Variants in DLG2 observed in about 807,000 individuals in gnomAD.
DLG2 encodes the protein disks large homolog 2.
A neutral mutation model predicts 132.5 loss-of-function variants in DLG2; 45 were observed. That is an observed-to-expected ratio of 0.34 (90% confidence interval 0.27 to 0.44). The LOEUF is 0.44. Ranked by LOEUF, DLG2 falls within the 20% of genes least tolerant of loss-of-function variation. The pLI, the probability that DLG2 is intolerant of heterozygous loss-of-function variation, is 1.00. For synonymous variants in DLG2, 424 were observed against 419.6 expected (o/e 1.01, Z -0.13); for missense variants, 1,045 against 1,196.9 (o/e 0.87, Z 1.87).
rs189179704 is a variant in DLG2 at position 85,052,473 on chromosome 11, A to C, written c.357+59188T>G. 6.2e-4 allele frequency among the ~76,000 whole-genome samples: 95 copies of C among 152,336 alleles called. 2 individuals are homozygous for C. The East Asian group carries it at 0.014, about 23-fold the overall frequency. On this transcript the variant is annotated intron_variant, in intron 6 of 27. Transcript: ENST00000376104. ...CAAACATTTTGCATTATATACCTTG[A>C]AAACTGTGAGCCACATTTGTTCTAT...
intron 10 of DLG2, among the ~76,000 whole-genome samples, chr11:84,079,058 C>A (rs564981201): frequency 2.0e-5 from 3 of 152,234 alleles, no homozygotes; most frequent in African/African-American, 7.2e-5. Flanking sequence ...ATATACTCAG[C>A]ACCTGATATG....
intron 6 of DLG2, among the ~76,000 whole-genome samples, chr11:84,544,075 G>A (rs1328722645): frequency 6.6e-6 from 1 of 152,156 alleles, no homozygotes; most frequent in Non-Finnish European, 1.5e-5. Flanking sequence ...AAATAACTAT[G>A]GGAGAACTTA....
intron 7 of DLG2, among the ~76,000 whole-genome samples, chr11:84,262,712 T>C (rs1206294848): frequency 6.6e-6 from 1 of 152,088 alleles, no homozygotes; most frequent in Non-Finnish European, 1.5e-5. Flanking sequence ...CAAAGTCCAC[T>C]GCAACATTCT....
rs75973572 is a variant in DLG2, at chr11:84,959,807, T to C, written c.357+151854A>G. On this transcript the variant is annotated intron_variant, in intron 6 of 27. Coordinates refer to ENST00000376104, the MANE Select transcript of DLG2 (RefSeq NM_001142699.3). ...AAAGAAAAGGTCAACCTTGTGTATA[T>C]AGAAAGATATGAGTTGGATGTTCTC... Among the ~76,000 whole-genome samples the C allele has an allele frequency of 0.015, 2,322 of 152,168 alleles. 170 individuals carry two copies. In the East Asian group the frequency reaches 0.23, roughly 15 times the overall value.
intron 17 of DLG2, among the ~76,000 whole-genome samples, chr11:83,817,201 G>A (rs1458131126): frequency 6.6e-6 from 1 of 152,180 alleles, no homozygotes. Context: ...CATAGGAAGA[G>A]TATGGGATAT....
intron 3 of DLG2, among the ~76,000 whole-genome samples, chr11:85,305,527 T>C (rs546786235): frequency 6.6e-6 from 1 of 152,180 alleles, no homozygotes; most frequent in Non-Finnish European, 1.5e-5. Context: ...TTATTTATTT[T>C]TTTGAGACAG....
intron 9 of DLG2, among the ~76,000 whole-genome samples, chr11:84,150,878 T>G (rs979816607): frequency 1.3e-5 from 2 of 152,172 alleles, no homozygotes; most frequent in Non-Finnish European, 2.9e-5. Context: ...ATGAATTTTG[T>G]TTTTAGTTCT....
intron 3 of DLG2, among the ~76,000 whole-genome samples, chr11:85,418,738 G>A (rs1457402467): frequency 6.6e-6 from 1 of 150,764 alleles, no homozygotes; most frequent in Admixed American, 6.6e-5. Context: ...GTTTATCAGA[G>A]ACTAGGATTG....
chr11:84,613,227 C>A (rs1021391548), intron 6 of DLG2, among the ~76,000 whole-genome samples: 1 of 151,982 alleles, frequency 6.6e-6, no homozygotes. Flanking sequence ...AAGGAAATAT[C>A]GGTATTTTAT....
chr11:83,704,366 A>T (rs888374490), intron 18 of DLG2, among the ~76,000 whole-genome samples: 2 of 152,208 alleles, frequency 1.3e-5, no homozygotes, highest in African/African-American at 2.4e-5. Flanking sequence ...AATGAGACAA[A>T]AACAGAAACC....
At chr11:83,522,834 T>G (rs1402419746) in intron 21 of DLG2, among the ~76,000 whole-genome samples, 8 of 142,824 alleles carry the variant, frequency 5.6e-5, no homozygotes, top group African/African-American at 2.0e-4. Context: ...TTAATCAAAA[T>G]GCAAGGTAAT....
chr11:83,482,015 G>C (rs1160315546), intron 22 of DLG2, among the ~76,000 whole-genome samples: 1 of 151,816 alleles, frequency 6.6e-6, no homozygotes, highest in African/African-American at 2.4e-5. Flanking sequence ...AATTCTCTCT[G>C]GTGGTGCTTG....
At chr11:84,349,150 C>T (rs1567362687) in intron 7 of DLG2, among the ~76,000 whole-genome samples, 1 of 152,114 alleles carries the variant, frequency 6.6e-6, no homozygotes, top group Non-Finnish European at 1.5e-5. Context: ...AGCCATTCCT[C>T]GTGTGGCAGG....
chr11:85,134,999 G>A (rs1441731668), intron 5 of DLG2, among the ~76,000 whole-genome samples: 1 of 152,112 alleles, frequency 6.6e-6, no homozygotes, highest in Non-Finnish European at 1.5e-5. Context: ...ATTTGAAAAG[G>A]TCAAAGAAAC....
At chr11:84,351,025 G>A (rs2098564402) in intron 7 of DLG2, among the ~76,000 whole-genome samples, 1 of 151,960 alleles carries the variant, frequency 6.6e-6, no homozygotes, top group Non-Finnish European at 1.5e-5. Context: ...TTTATTTTTT[G>A]GAGAGCACTG....
In DLG2 at chr11:85,544,840, TATCA is replaced by T. The variant is rs202150809; in HGVS notation, c.40+53813_40+53816del. Among the ~76,000 whole-genome samples, 1,390 of 152,342 alleles carry T rather than the reference TATCA, an allele frequency of 9.1e-3. 22 individuals carry two copies. Among genetic ancestry groups the T allele is most frequent in the African/African-American group, 0.03 (1,254 of 41,574 alleles). On this transcript the variant is annotated intron_variant, in intron 3 of 27. Transcript: ENST00000376104. ...TTGAGATTTTTGCACATTGATTTTG[TATCA>T]ATCAAACTTTGCTGAAGTTGGTTAT... is the stretch of plus-strand genomic sequence containing the variant.
chr11:85,412,766 T>C (rs1020166049), intron 3 of DLG2, among the ~76,000 whole-genome samples: 293 of 76,636 alleles, frequency 3.8e-3, no homozygotes, highest in African/African-American at 6.4e-3. Flanking sequence ...CACACATATA[T>C]ATATATATAT....
intron 6 of DLG2, among the ~76,000 whole-genome samples, chr11:85,005,804 C>T (rs2058606887): frequency 6.6e-6 from 1 of 152,038 alleles, no homozygotes; most frequent in African/African-American, 2.4e-5. Flanking sequence ...TTGTCTTGTG[C>T]CGGATTTCAA....
chr11:85,060,880 GT>G (rs1230319987), intron 6 of DLG2, among the ~76,000 whole-genome samples: 1 of 149,476 alleles, frequency 6.7e-6, no homozygotes, highest in African/African-American at 2.5e-5. Flanking sequence ...GTTTTTTTTT[GT>G]TTGTTTTGTT....
Sources: allele counts gnomAD v4.1 joint callset (sites outside exome capture counted in the v4.1 genomes callset), GRCh38; gene constraint gnomAD v4.1.1; transcripts MANE v1.5; gene names NCBI Gene and HGNC (gene_info 2026-07-23, HGNC 2026-07-21).